Variants in RGS6 observed in about 807,000 individuals in gnomAD.
RGS6 encodes regulator of G-protein signaling 6.
RGS6 carries 30 observed loss-of-function variants against 78.5 expected under a neutral mutation model. The observed-to-expected ratio is 0.38, with a 90% CI of 0.29 to 0.52. The LOEUF (loss-of-function observed/expected upper bound fraction) is 0.52. Among genes scored for constraint, RGS6 ranks in the 20% least tolerant of loss-of-function variants. RGS6 has a pLI of 0.85. For synonymous variants in RGS6, 206 were observed against 206.0 expected (o/e 1.00, Z 0.00); for missense variants, 495 against 609.7 (o/e 0.81, Z 1.98).
At chr14:72,469,986 T>A (rs753531384) in intron 7 of RGS6, 21 bp from the exon 8 acceptor site, 2 of 1,576,686 alleles carry the variant, frequency 1.3e-6, no homozygotes, top group African/African-American at 2.7e-5. Context: ...TGCCGCCTTG[T>A]TGATTTTCAT....
At chr14:72,365,248 T>C (rs1208641518) in intron 3 of RGS6, among the ~76,000 whole-genome samples, 1 of 152,070 alleles carries the variant, frequency 6.6e-6, no homozygotes, top group African/African-American at 2.4e-5. Flanking sequence ...AAAGGAAAAA[T>C]TGTAGACCTG....
chr14:72,024,976 G>T (rs989445469), intron 2 of RGS6, among the ~76,000 whole-genome samples: 49 of 152,286 alleles, frequency 3.2e-4, no homozygotes, highest in African/African-American at 1.2e-3. Flanking sequence ...CTTAGCCTGA[G>T]GCTTCTTCGT....
chr14:72,209,498 G>A (rs1437101666), intron 2 of RGS6, among the ~76,000 whole-genome samples: 1 of 152,136 alleles, frequency 6.6e-6, no homozygotes, highest in Non-Finnish European at 1.5e-5. Flanking sequence ...GTCACCTTAA[G>A]TGAGTGATGT....
At chr14:72,377,392 A>G (rs185865429) in intron 3 of RGS6, among the ~76,000 whole-genome samples, 1 of 152,326 alleles carries the variant, frequency 6.6e-6, no homozygotes, top group East Asian at 1.9e-4. Flanking sequence ...ACCTAGATAT[A>G]TAAAGCAAAT....
intron 3 of RGS6, among the ~76,000 whole-genome samples, chr14:72,395,533 AATT>A (rs1010118445): frequency 6.6e-5 from 10 of 151,946 alleles, no homozygotes; most frequent in Non-Finnish European, 5.9e-5. Flanking sequence ...TATCCAACAT[AATT>A]ATTTTTTTTA....
chr14:72,165,478 TC>T (rs1181313509), intron 2 of RGS6, among the ~76,000 whole-genome samples: 3 of 152,214 alleles, frequency 2.0e-5, no homozygotes, highest in Non-Finnish European at 2.9e-5. Flanking sequence ...ATAGCCAACA[TC>T]TTTCTCCTAG....
chr14:71,898,109 C>T, the RGS6 span, among the ~76,000 whole-genome samples: 6,809 of 151,950 alleles, frequency 0.045, 369 homozygotes, highest in African/African-American at 0.12. Context: ...ATGTCAGTCA[C>T]CTCACATACT....
chr14:72,185,699 C>A (rs944247868), intron 2 of RGS6, among the ~76,000 whole-genome samples: 1 of 152,164 alleles, frequency 6.6e-6, no homozygotes, highest in African/African-American at 2.4e-5. Context: ...AATCCCAACA[C>A]TTTGGGAGGC....
chr14:72,008,867 T>C (rs2085110156), intron 2 of RGS6, among the ~76,000 whole-genome samples: 1 of 152,224 alleles, frequency 6.6e-6, no homozygotes. Flanking sequence ...TACAAAGACT[T>C]CTTGCAAAAT....
chr14:72,243,034 T>C (rs535616130), intron 2 of RGS6, among the ~76,000 whole-genome samples: 2 of 151,968 alleles, frequency 1.3e-5, no homozygotes, highest in East Asian at 3.9e-4. Context: ...GTGTTTTTAA[T>C]AGAGTCAGGG....
chr14:72,181,060 G>A (rs1304794380), intron 2 of RGS6, among the ~76,000 whole-genome samples: 2 of 152,162 alleles, frequency 1.3e-5, no homozygotes, highest in Non-Finnish European at 2.9e-5. Flanking sequence ...GAAAGTTTGG[G>A]CAGCAGCTGG....
the RGS6 span, among the ~76,000 whole-genome samples, chr14:71,876,753 G>T: frequency 7.2e-5 from 11 of 152,030 alleles, no homozygotes; most frequent in Non-Finnish European, 1.0e-4. Context: ...GTTAGTAGAT[G>T]CAGTTTCTTC....
At chr14:71,926,173 C>T in the RGS6 span, among the ~76,000 whole-genome samples, 1 of 152,140 alleles carries the variant, frequency 6.6e-6, no homozygotes, top group Non-Finnish European at 1.5e-5. Context: ...AATTTAAAAA[C>T]TCATATGGAA....
intron 2 of RGS6, among the ~76,000 whole-genome samples, chr14:72,188,606 C>A (rs1280890172): frequency 6.6e-6 from 1 of 152,172 alleles, no homozygotes; most frequent in Admixed American, 6.5e-5. Flanking sequence ...TGTTACGTTG[C>A]ATTCACATCT....
chr14:72,499,694 C>A (rs1022658922), intron 13 of RGS6, among the ~76,000 whole-genome samples: 1 of 151,618 alleles, frequency 6.6e-6, no homozygotes, highest in African/African-American at 2.4e-5. Context: ...TTTTACTTAA[C>A]TGAGCTCTGG....
At chr14:72,125,904 A>T (rs545645617) in intron 2 of RGS6, among the ~76,000 whole-genome samples, 13 of 152,302 alleles carry the variant, frequency 8.5e-5, no homozygotes, top group African/African-American at 2.9e-4. Context: ...GTTCCTATAA[A>T]ACAATGTAAG....
At chr14:72,166,024 C>T (rs1340342661) in intron 2 of RGS6, among the ~76,000 whole-genome samples, 1 of 148,480 alleles carries the variant, frequency 6.7e-6, no homozygotes, top group African/African-American at 2.4e-5. Flanking sequence ...TAATATGTAT[C>T]TGAATGTTGT....
At chr14:72,127,212 A>T (rs1265041570) in intron 2 of RGS6, among the ~76,000 whole-genome samples, 4 of 152,204 alleles carry the variant, frequency 2.6e-5, no homozygotes, top group Non-Finnish European at 5.9e-5. Context: ...ATAGGAAAAA[A>T]ATATTTAGAT....
At chr14:72,040,527 C>T (rs1285132682) in intron 2 of RGS6, among the ~76,000 whole-genome samples, 5 of 151,806 alleles carry the variant, frequency 3.3e-5, no homozygotes, top group Non-Finnish European at 2.9e-5. Flanking sequence ...TTTTCTCTTG[C>T]TGTTTTTCAA....
Sources: allele counts gnomAD v4.1 joint callset (sites outside exome capture counted in the v4.1 genomes callset), GRCh38; gene constraint gnomAD v4.1.1; transcripts MANE v1.5; gene names NCBI Gene and HGNC (gene_info 2026-07-23, HGNC 2026-07-21).